The following UNC79 variants were observed in gnomAD, a reference collection of about 807,000 sequenced individuals.
The protein encoded by UNC79 is unc-79 subunit of NALCN channel complex.
A neutral mutation model predicts 283.1 loss-of-function variants in UNC79; 37 were observed. The ratio of observed to expected loss-of-function variants is 0.13; its 90% CI spans 0.10 to 0.17. The LOEUF (loss-of-function observed/expected upper bound fraction) is 0.17. Among genes scored for constraint, UNC79 ranks in the 10% least tolerant of loss-of-function variants. The pLI, the probability that UNC79 is intolerant of heterozygous loss-of-function variation, is 1.00. For missense variants in UNC79, 2,272 were observed against 3,211.1 expected (o/e 0.71, Z 7.07); for synonymous variants, 1,107 against 1,200.2 (o/e 0.92, Z 1.61).
At chr14:93,696,941 T>G (rs1481438691) in intron 47 of UNC79, among the ~76,000 whole-genome samples, 1 of 152,186 alleles carries the variant, frequency 6.6e-6, no homozygotes, top group Admixed American at 6.5e-5. Flanking sequence ...TTGAGTTAAC[T>G]TTTGTATATG....
chr14:93,706,617 T>A (rs2141119346), intron 48 of UNC79, 87 bp from the exon 52 acceptor site: 2 of 1,485,400 alleles, frequency 1.3e-6, no homozygotes, highest in Non-Finnish European at 1.9e-6. Context: ...AAGCCTAAAT[T>A]CTGCCTGCAA....
chr14:93,395,596 C>T (rs939317274), intron 1 of UNC79, among the ~76,000 whole-genome samples: 23 of 152,186 alleles, frequency 1.5e-4, no homozygotes, highest in Non-Finnish European at 3.1e-4. Flanking sequence ...TTAAGGATTG[C>T]AGTTCAACAT....
At chr14:93,704,747 T>G in intron 48 of UNC79, 81 bp downstream of exon 51, 1 of 1,527,562 alleles carries the variant, frequency 6.5e-7, no homozygotes, top group South Asian at 1.1e-5. Flanking sequence ...TGATGCTCCA[T>G]TTACTATGGA....
chr14:93,458,094 A>G (rs541493156), intron 1 of UNC79, among the ~76,000 whole-genome samples: 16 of 152,352 alleles, frequency 1.1e-4, no homozygotes, highest in Middle Eastern at 3.4e-3. Context: ...TATGTCTAAC[A>G]TTTTTTGATG....
intron 27 of UNC79, among the ~76,000 whole-genome samples, chr14:93,614,646 A>AG (rs1249845879): frequency 6.6e-6 from 1 of 151,972 alleles, no homozygotes; most frequent in Admixed American, 6.6e-5. Context: ...AAAAAAAAAA[A>AG]AAAAAAATCC....
At chr14:93,372,140 A>G (rs2054464223) in intron 1 of UNC79, among the ~76,000 whole-genome samples, 1 of 152,180 alleles carries the variant, frequency 6.6e-6, no homozygotes, top group Non-Finnish European at 1.5e-5. Context: ...TAAAGAAGGA[A>G]TAAGTGAAGA....
chr14:93,519,839 T>G (rs1452248811), intron 7 of UNC79, among the ~76,000 whole-genome samples: 1 of 151,876 alleles, frequency 6.6e-6, no homozygotes, highest in Non-Finnish European at 1.5e-5. Context: ...CCTATCCTTT[T>G]TGTTATTGTT....
intron 14 of UNC79, among the ~76,000 whole-genome samples, chr14:93,562,195 G>T (rs1349931636): frequency 6.6e-6 from 1 of 152,088 alleles, no homozygotes; most frequent in Non-Finnish European, 1.5e-5. Flanking sequence ...TGGCAGTTGG[G>T]GTACTATAGA....
intron 1 of UNC79, among the ~76,000 whole-genome samples, chr14:93,336,872 G>A (rs370020370): frequency 6.6e-6 from 1 of 152,098 alleles, no homozygotes; most frequent in Non-Finnish European, 1.5e-5. Context: ...AAATGTAATC[G>A]CCAGTGTTGG....
intron 41 of UNC79, among the ~76,000 whole-genome samples, chr14:93,682,097 A>G (rs1244945838): frequency 1.3e-5 from 2 of 152,158 alleles, no homozygotes; most frequent in East Asian, 3.9e-4. Context: ...GCCCCCAGAG[A>G]AGGAGTGGGG....
chr14:93,644,595 T>C (rs1197142740), intron 34 of UNC79, among the ~76,000 whole-genome samples: 4 of 152,226 alleles, frequency 2.6e-5, no homozygotes, highest in South Asian at 4.1e-4. Flanking sequence ...AGCTAAGTGC[T>C]AGAGAAGATT....
At chr14:93,641,119 T>G in intron 32 of UNC79, 26 bp from the exon 36 acceptor site, 1 of 1,603,914 alleles carries the variant, frequency 6.2e-7, no homozygotes, top group Non-Finnish European at 8.5e-7. Flanking sequence ...CTATATTCAC[T>G]GGTTGTCCCT....
intron 11 of UNC79, among the ~76,000 whole-genome samples, chr14:93,533,947 T>C (rs2060946309): frequency 6.6e-6 from 1 of 152,258 alleles, no homozygotes; most frequent in South Asian, 2.1e-4. Context: ...GTGATCTGCA[T>C]GTGATATGTC....
At chr14:93,646,496 A>G (rs2069619333) in intron 34 of UNC79, 112 bp from the exon 38 acceptor site, 3 of 1,017,136 alleles carry the variant, frequency 2.9e-6, no homozygotes, top group Admixed American at 2.0e-5. Context: ...TGTCAACATT[A>G]TACATGTCTC....
chr14:93,383,844 G>A (rs1595412069), intron 1 of UNC79, among the ~76,000 whole-genome samples: 2 of 152,108 alleles, frequency 1.3e-5, no homozygotes, highest in South Asian at 4.1e-4. Context: ...TTCCTGTGCT[G>A]TTCTCATGAT....
chr14:93,521,238 T>C (rs529898604), intron 7 of UNC79, among the ~76,000 whole-genome samples: 6 of 152,180 alleles, frequency 3.9e-5, no homozygotes, highest in East Asian at 3.9e-4. Context: ...ACCTTGAATA[T>C]CTTCCAGCCC....
At chr14:93,429,271 C>G (rs964096420), upstream of UNC79, among the ~76,000 whole-genome samples, 2 of 152,182 alleles carry the variant, frequency 1.3e-5, no homozygotes, top group Non-Finnish European at 2.9e-5. Flanking sequence ...AATCATTTAT[C>G]TTTTACTAAT....
At chr14:93,444,318 G>T (rs2056401168) in intron 1 of UNC79, among the ~76,000 whole-genome samples, 2 of 151,834 alleles carry the variant, frequency 1.3e-5, no homozygotes, top group African/African-American at 4.8e-5. Context: ...AGTCTTAAGG[G>T]TTCTTTATAT....
At chr14:93,626,701 C>T (rs751306824) in intron 30 of UNC79, among the ~76,000 whole-genome samples, 1 of 151,870 alleles carries the variant, frequency 6.6e-6, no homozygotes, top group Non-Finnish European at 1.5e-5. Flanking sequence ...AACAAAAACA[C>T]ATAATGTTGA....
Sources: gnomAD v4.1 joint callset for allele counts (sites outside exome capture counted in the v4.1 genomes callset) on GRCh38, gnomAD v4.1.1 for gene constraint, MANE v1.5 for transcripts, NCBI Gene and HGNC (gene_info 2026-07-23, HGNC 2026-07-21) for gene names.